The following SRGAP1 variants were observed in gnomAD, a reference collection of about 807,000 sequenced individuals.
The protein encoded by SRGAP1 is SLIT-ROBO Rho GTPase activating protein 1, also known as SLIT-ROBO Rho GTPase-activating protein 1.
A neutral mutation model predicts 121.9 loss-of-function variants in SRGAP1; 43 were observed. The observed-to-expected ratio is 0.35, with a 90% CI of 0.28 to 0.46. The LOEUF is 0.46. SRGAP1 is among the 20% of genes least tolerant of loss of function. The pLI is 1.00. For missense variants in SRGAP1, 1,102 were observed against 1,350.9 expected (o/e 0.82, Z 2.89); for synonymous variants, 447 against 485.4 (o/e 0.92, Z 1.04).
At chr12:64,056,989 A>T (rs1369487225) in intron 6 of SRGAP1, among the ~76,000 whole-genome samples, 2 of 152,140 alleles carry the variant, frequency 1.3e-5, no homozygotes, top group Non-Finnish European at 2.9e-5. Context: ...TGGTTTGCTC[A>T]TTCTCTCTCC....
chr12:63,868,573 G>T (rs919846025), intron 1 of SRGAP1, among the ~76,000 whole-genome samples: 12 of 152,040 alleles, frequency 7.9e-5, no homozygotes, highest in Admixed American at 6.5e-4. Context: ...TGTTGCCCAG[G>T]CTGGCCTTGA....
chr12:63,960,421 C>G (rs185461372), intron 1 of SRGAP1, among the ~76,000 whole-genome samples: 15 of 152,194 alleles, frequency 9.9e-5, no homozygotes, highest in African/African-American at 3.6e-4. Flanking sequence ...GGAGCTTCCT[C>G]ATGGGTTCCT....
chr12:64,065,049 T>C (rs994389596), intron 7 of SRGAP1, 69 bp from the exon 8 acceptor site: 13 of 1,144,996 alleles, frequency 1.1e-5, no homozygotes, highest in Non-Finnish European at 1.6e-5. Context: ...ATCATTTAAA[T>C]AACAGAGCCG....
At chr12:64,135,922 G>A (rs982063382) in intron 21 of SRGAP1, among the ~76,000 whole-genome samples, 2 of 152,206 alleles carry the variant, frequency 1.3e-5, no homozygotes, top group African/African-American at 4.8e-5. Context: ...GGAGCAAGGA[G>A]TCGGTCCAAG....
At chr12:64,098,946 T>A (rs150344960) in intron 15 of SRGAP1, among the ~76,000 whole-genome samples, 3 of 152,150 alleles carry the variant, frequency 2.0e-5, no homozygotes, top group African/African-American at 7.2e-5. Flanking sequence ...AACTCTGTCC[T>A]CCCCACCACT....
intron 3 of SRGAP1, among the ~76,000 whole-genome samples, chr12:64,012,951 T>A (rs1441665223): frequency 6.6e-6 from 1 of 152,168 alleles, no homozygotes; most frequent in Non-Finnish European, 1.5e-5. Flanking sequence ...TTGCCCAGGC[T>A]GGTGTTAAAT....
rs536994625 is a variant in SRGAP1 at position 63,917,369 on chromosome 12, T to C, written c.68-66578T>C. ...AGACCTAGGGCTCTCTAAGACAGTA[T>C]GGTCCATTAGAGGTATGGATGCCTG... On this transcript the variant is annotated intron_variant, in intron 1 of 21. Coordinates refer to ENST00000355086, the MANE Select transcript of SRGAP1 (RefSeq NM_020762.4). Among the ~76,000 whole-genome samples the C allele has an allele frequency of 2.0e-5, 3 of 152,300 alleles. No individual in the cohort carries two copies. In the South Asian group the frequency reaches 6.2e-4, roughly 32 times the overall value.
chr12:63,935,416 A>G (rs2031631811), intron 1 of SRGAP1, among the ~76,000 whole-genome samples: 1 of 152,236 alleles, frequency 6.6e-6, no homozygotes, highest in Non-Finnish European at 1.5e-5. Context: ...GGTTGTATAG[A>G]AACACTGATT....
chr12:64,043,001 G>C, intron 5 of SRGAP1, 29 bp downstream of exon 5: 1 of 1,509,770 alleles, frequency 6.6e-7, no homozygotes, highest in Non-Finnish European at 9.2e-7. Context: ...GAGCTCTTCT[G>C]CCTTCATTTG....
chr12:64,043,037 G>C, intron 5 of SRGAP1, 65 bp downstream of exon 5: 1 of 1,077,908 alleles, frequency 9.3e-7, no homozygotes, highest in Admixed American at 2.0e-5. Flanking sequence ...GAACACTGAT[G>C]CAATAGCTGA....
intron 2 of SRGAP1, among the ~76,000 whole-genome samples, chr12:63,986,373 T>C (rs1195621555): frequency 6.6e-6 from 1 of 152,198 alleles, no homozygotes; most frequent in African/African-American, 2.4e-5. Context: ...AACTTAACTG[T>C]TGCTTTTAAA....
intron 18 of SRGAP1, among the ~76,000 whole-genome samples, chr12:64,119,306 T>G (rs572397999): frequency 6.6e-6 from 1 of 152,322 alleles, no homozygotes; most frequent in Admixed American, 6.5e-5. Context: ...TAAATCTTAA[T>G]CGTTCATAAA....
intron 2 of SRGAP1, among the ~76,000 whole-genome samples, chr12:63,987,682 A>G (rs2033453129): frequency 6.6e-6 from 1 of 152,196 alleles, no homozygotes; most frequent in Non-Finnish European, 1.5e-5. Flanking sequence ...AGATCACACC[A>G]TTGCAGCCCA....
intron 1 of SRGAP1, among the ~76,000 whole-genome samples, chr12:63,860,753 T>C (rs7310327): frequency 0.28 from 42,977 of 151,932 alleles, 7,011 homozygotes; most frequent in East Asian, 0.55. Context: ...ATTGATTTAC[T>C]GTATTGTATT....
chr12:63,989,632 A>G (rs1274836112), intron 2 of SRGAP1, among the ~76,000 whole-genome samples: 3 of 152,240 alleles, frequency 2.0e-5, no homozygotes, highest in Admixed American at 6.5e-5. Flanking sequence ...CACTGTGTAT[A>G]TTAGGGTCCC....
chr12:63,918,146 G>A (rs2030874510), intron 1 of SRGAP1, among the ~76,000 whole-genome samples: 1 of 152,178 alleles, frequency 6.6e-6, no homozygotes, highest in African/African-American at 2.4e-5. Context: ...TCAAAGCTAT[G>A]TCCTTGAGCA....
intron 8 of SRGAP1, among the ~76,000 whole-genome samples, chr12:64,074,983 G>A (rs10878103): frequency 0.16 from 24,321 of 151,612 alleles, 2,281 homozygotes; most frequent in Non-Finnish European, 0.22. Flanking sequence ...TATTGTGTTT[G>A]TCATTACCAG....
chr12:64,099,497 G>A (rs1452417104), intron 15 of SRGAP1, among the ~76,000 whole-genome samples: 1 of 152,172 alleles, frequency 6.6e-6, no homozygotes, highest in Admixed American at 6.5e-5. Flanking sequence ...TGGCATCAGT[G>A]CCTAGAGTCT....
intron 18 of SRGAP1, chr12:64,120,368 C>A (rs1269597494): frequency 6.6e-6 from 1 of 152,094 alleles, no homozygotes; most frequent in Admixed American, 6.6e-5. Context: ...CCTAGGACAA[C>A]ATTGAATTTT....
Sources: allele counts gnomAD v4.1 joint callset (sites outside exome capture counted in the v4.1 genomes callset), GRCh38; gene constraint gnomAD v4.1.1; transcripts MANE v1.5; gene names NCBI Gene and HGNC (gene_info 2026-07-23, HGNC 2026-07-21).